Variants in PTPN4 observed in about 807,000 individuals in gnomAD.
PTPN4 encodes protein tyrosine phosphatase non-receptor type 4.
Under a neutral mutation model 135.5 loss-of-function variants are expected in PTPN4, and 49 were observed. The observed-to-expected ratio is 0.36, with a 90% CI of 0.29 to 0.46. The LOEUF (loss-of-function observed/expected upper bound fraction) is 0.46, where lower values mean the gene tolerates loss of function less well. Ranked by LOEUF, PTPN4 falls within the 20% of genes least tolerant of loss-of-function variation. PTPN4 has a pLI of 1.00. For synonymous variants in PTPN4, 333 were observed against 369.9 expected (o/e 0.90, Z 1.14); for missense variants, 860 against 1,101.0 (o/e 0.78, Z 3.10).
intron 13 of PTPN4, among the ~76,000 whole-genome samples, chr2:119,927,308 ACC>A (rs1678840133): frequency 4.0e-5 from 6 of 151,658 alleles, no homozygotes; most frequent in Non-Finnish European, 1.5e-5. Context: ...GATGGGGTTT[ACC>A]ATGTCAGCCA....
At chr2:119,777,263 C>T (rs1690853094) in intron 1 of PTPN4, among the ~76,000 whole-genome samples, 2 of 152,196 alleles carry the variant, frequency 1.3e-5, no homozygotes, top group South Asian at 2.1e-4. Flanking sequence ...ATGGAGTATG[C>T]ACATGGCTCA....
chr2:119,839,432 G>A (rs1677347169), intron 2 of PTPN4, among the ~76,000 whole-genome samples: 1 of 152,142 alleles, frequency 6.6e-6, no homozygotes, highest in African/African-American at 2.4e-5. Flanking sequence ...AGTGATGAGA[G>A]GACAAAACTT....
intron 1 of PTPN4, among the ~76,000 whole-genome samples, chr2:119,771,790 G>T (rs1446642801): frequency 6.6e-6 from 1 of 152,172 alleles, no homozygotes; most frequent in Non-Finnish European, 1.5e-5. Flanking sequence ...TATTTGGGAT[G>T]ATTTAAAATC....
Position 119,760,169 on chromosome 2 carries a change from C to G in PTPN4, c.-233C>G. ...GGAGAGGTCGCCGGCTGCCCGCCTC[C>G]CTGCCACCTCCCCAGCGGCGCCGGC... On this transcript the variant is annotated 5_prime_UTR_variant, in exon 1 of 27. Coordinates refer to ENST00000263708, the MANE Select transcript of PTPN4 (RefSeq NM_002830.4). The G allele has an allele frequency of 2.5e-6, 1 of 393,898 alleles. No homozygotes were observed. The highest frequency in any genetic ancestry group is 4.5e-6 in the Non-Finnish European group (1 of 223,182). 24.4% of individuals were successfully genotyped at this position (393,898 alleles called of 1,614,324 possible).
At position 119,900,753 on chromosome 2, in the gene PTPN4, G is replaced by A. The variant is rs766553005; in HGVS notation, c.711G>A (p.Met237Ile). 60 of 1,587,402 alleles carry A rather than the reference G, an allele frequency of 3.8e-5. No individual in the cohort carries two copies. The East Asian group carries it at 1.3e-3, about 36-fold the overall frequency. The change falls in exon 10 of 27, where the codon ATG becomes ATA. Residue 237 changes from methionine to isoleucine, a missense_variant. Physicochemically the swap from Met to Ile is conservative, Grantham distance 10. Coordinates refer to ENST00000263708, the MANE Select transcript of PTPN4 (RefSeq NM_002830.4). ...QSNNEIMIGVMSGGILIYKNR... is the reference protein window; with the variant it reads ...QSNNEIMIGVISGGILIYKNR... Reference sequence around the variant, plus strand: ...ACAATGAAATTATGATTGGAGTGATGTCAGGAGGAATTCTGATTTATAAGA... The same window carrying A: ...ACAATGAAATTATGATTGGAGTGATATCAGGAGGAATTCTGATTTATAAGA...
Position 119,862,641 on chromosome 2 carries a change from C to G in PTPN4, c.244C>G (p.Pro82Ala). 1 of 1,599,078 alleles carries G rather than the reference C, an allele frequency of 6.3e-7. No homozygotes were observed. Among genetic ancestry groups the G allele is most frequent in the Non-Finnish European group, 8.6e-7 (1 of 1,168,194 alleles). ...LQLADDSTDN[P>A]RWLDPNKPIR... ...GTTGGCTGATGATTCCACAGATAAC[C>G]CAGTAAGTGTAAGATTTTGTCTTTC... Residue 82 changes from proline to alanine, a missense_variant and splice_region_variant, in exon 3 of 27, where the codon CCA (proline) becomes GCA (alanine). Pro to Ala is a conservative substitution (Grantham distance 27). Transcript: ENST00000263708.
intron 3 of PTPN4, among the ~76,000 whole-genome samples, chr2:119,864,146 T>C (rs965004265): frequency 5.9e-5 from 9 of 152,140 alleles, no homozygotes; most frequent in Admixed American, 3.9e-4. Context: ...GGAATTCTCA[T>C]TGACTTACAG....
intron 7 of PTPN4, 56 bp from the exon 8 acceptor site, chr2:119,882,447 T>C: frequency 7.1e-7 from 1 of 1,401,654 alleles, no homozygotes; most frequent in Non-Finnish European, 9.6e-7. Context: ...CTGATTTGAC[T>C]ATAATAATTT....
chr2:119,783,259 AAAC>A (rs565098587), intron 1 of PTPN4, among the ~76,000 whole-genome samples: 174 of 152,304 alleles, frequency 1.1e-3, no homozygotes, highest in African/African-American at 4.0e-3. Flanking sequence ...ATGCTAAGTA[AAAC>A]AACAACAAAA....
At position 119,932,540 on chromosome 2, in the gene PTPN4, C is replaced by T; in HGVS notation, c.1187C>T (p.Thr396Ile). ...QSLPSRSPPG[T>I]PNHRNSTFTQ... is the part of the protein sequence containing the mutation. ...CTTCCATCACGATCTCCACCGGGAA[C>T]TCCTAATCAGTAAGTGTGAATTTTG... The change falls in exon 14 of 27, where the codon ACT becomes ATT. Residue 396 changes from threonine (T) to isoleucine (I), a missense_variant. Around this residue, in one of 2 missense-constraint regions of PTPN4, gnomAD observed 684 missense variants for 807.0 expected, o/e 0.85. Coordinates refer to ENST00000263708, the MANE Select transcript of PTPN4 (RefSeq NM_002830.4). 1.2e-6 allele frequency: 2 copies of T among 1,605,328 alleles called. No individual in the cohort carries two copies. Among genetic ancestry groups the T allele is most frequent in the African/African-American group, 1.3e-5 (1 of 74,540 alleles).
intron 15 of PTPN4, among the ~76,000 whole-genome samples, chr2:119,938,527 AAT>A (rs1477264359): frequency 2.0e-5 from 3 of 152,164 alleles, no homozygotes; most frequent in Non-Finnish European, 4.4e-5. Flanking sequence ...ATTGGTTTTA[AAT>A]ATGTTAAAAC....
intron 2 of PTPN4, among the ~76,000 whole-genome samples, chr2:119,818,003 G>A (rs369846756): frequency 1.2e-4 from 18 of 152,124 alleles, no homozygotes; most frequent in South Asian, 1.0e-3. Context: ...ATTTTTGCAC[G>A]TTGATTTTGT....
intron 2 of PTPN4, among the ~76,000 whole-genome samples, chr2:119,811,246 C>G (rs1304534219): frequency 6.6e-6 from 1 of 152,030 alleles, no homozygotes; most frequent in Non-Finnish European, 1.5e-5. Flanking sequence ...AAAAATGAAT[C>G]TTTCTTATTT....
intron 9 of PTPN4, among the ~76,000 whole-genome samples, chr2:119,888,601 C>T (rs1236356281): frequency 6.6e-6 from 1 of 152,054 alleles, no homozygotes; most frequent in African/African-American, 2.4e-5. Flanking sequence ...TTTTATTCTT[C>T]ATTCTGTTCT....
chr2:119,904,650 A>G (rs930355848), intron 10 of PTPN4, among the ~76,000 whole-genome samples: 1 of 152,248 alleles, frequency 6.6e-6, no homozygotes, highest in African/African-American at 2.4e-5. Context: ...GCAAGAGGAA[A>G]GGATCAAGTC....
At chr2:119,791,450 T>C (rs1275999866) in intron 1 of PTPN4, among the ~76,000 whole-genome samples, 1 of 152,182 alleles carries the variant, frequency 6.6e-6, no homozygotes, top group Non-Finnish European at 1.5e-5. Flanking sequence ...TACTCTTAAC[T>C]GGTACTTTTT....
intron 9 of PTPN4, among the ~76,000 whole-genome samples, chr2:119,896,315 T>A (rs1004663242): frequency 6.6e-6 from 1 of 152,218 alleles, no homozygotes; most frequent in Non-Finnish European, 1.5e-5. Flanking sequence ...CTGAGATCTC[T>A]CTTTTTAATC....
At chr2:119,945,387 C>A (rs1679117676) in intron 16 of PTPN4, 147 bp downstream of exon 16, 1 of 668,752 alleles carries the variant, frequency 1.5e-6, no homozygotes, top group South Asian at 2.5e-5. Context: ...TGAATTGTGC[C>A]ATGATGTATC....
chr2:119,940,957 A>C (rs1243084519), intron 15 of PTPN4, among the ~76,000 whole-genome samples: 1 of 152,136 alleles, frequency 6.6e-6, no homozygotes, highest in Non-Finnish European at 1.5e-5. Context: ...CCTTAAAGCC[A>C]GTAAATGCTG....
Sources: allele counts gnomAD v4.1 joint callset (sites outside exome capture counted in the v4.1 genomes callset), GRCh38; gene constraint gnomAD v4.1.1; regional missense constraint gnomAD v4.1.1; transcripts MANE v1.5; gene names NCBI Gene and HGNC (gene_info 2026-07-23, HGNC 2026-07-21).